HDAC9: variants seen among roughly 807,000 people sequenced by gnomAD.
HDAC9 encodes the protein MEF-2 interacting transcription repressor (MITR) protein.
A neutral mutation model predicts 139.4 loss-of-function variants in HDAC9; 41 were observed. The observed-to-expected ratio is 0.29, with a 90% CI of 0.23 to 0.38. The LOEUF is 0.38. Ranked by LOEUF, HDAC9 falls within the 10% of genes least tolerant of loss-of-function variation. HDAC9 has a pLI of 1.00. For synonymous variants in HDAC9, 517 were observed against 476.2 expected, an observed-to-expected ratio of 1.09 and a Z score of -1.12; for missense variants, 1,147 against 1,297.0, an observed-to-expected ratio of 0.88 and a Z score of 1.78.
chr7:18,950,796 A>G (rs1458077831), intron 23 of HDAC9, among the ~76,000 whole-genome samples: 1 of 152,024 alleles, frequency 6.6e-6, no homozygotes, highest in Non-Finnish European at 1.5e-5. Flanking sequence ...AGAATGAAAA[A>G]AATAGAATTC....
In HDAC9 at chr7:18,793,416, C is replaced by T. The variant is rs1060499865; in HGVS notation, c.2286C>T (p.Ile762=). The change falls in exon 17 of 26, where the codon ATC becomes ATT. Residue 762 remains isoleucine (I), a synonymous_variant. Coordinates refer to ENST00000686413, the MANE Select transcript of HDAC9 (RefSeq NM_178425.4). The stretch of plus-strand genomic sequence containing the variant: ...CACGCATGGCTGTTGGCTGTGTCAT[C>T]GAGCTGGCTTCCAAAGTGGCCTCAG... The part of the protein sequence containing the change: ...GAARMAVGCV[I]ELASKVASGE... 2.5e-6 allele frequency: 4 copies of T among 1,584,590 alleles called. No individual in the cohort carries two copies. Among genetic ancestry groups the T allele is most frequent in the Middle Eastern group, 1.7e-4 (1 of 6,032 alleles).
chr7:18,725,091 A>G (rs190512071), intron 12 of HDAC9, among the ~76,000 whole-genome samples: 95 of 152,302 alleles, frequency 6.2e-4, no homozygotes, highest in Middle Eastern at 3.4e-3. Context: ...TTCATGGTCA[A>G]CATATCCATG....
At chr7:18,652,021 A>G (rs1789437398) in intron 11 of HDAC9, among the ~76,000 whole-genome samples, 1 of 152,182 alleles carries the variant, frequency 6.6e-6, no homozygotes, top group African/African-American at 2.4e-5. Context: ...GTTTAATCAT[A>G]AAGAAATCAA....
chr7:18,476,324 A>G (rs1795109092), intron 1 of HDAC9, among the ~76,000 whole-genome samples: 1 of 152,202 alleles, frequency 6.6e-6, no homozygotes, highest in South Asian at 2.1e-4. Context: ...TACTCACAAT[A>G]AAAAGTATTT....
intron 2 of HDAC9, among the ~76,000 whole-genome samples, chr7:18,555,076 A>T (rs764535468): frequency 7.9e-5 from 12 of 152,200 alleles, no homozygotes; most frequent in Non-Finnish European, 1.6e-4. Context: ...TAGTTTCATT[A>T]TTTTTTGACA....
At chr7:18,443,845 TG>T (rs1408312626) in intron 1 of HDAC9, among the ~76,000 whole-genome samples, 1 of 151,800 alleles carries the variant, frequency 6.6e-6, no homozygotes, top group Non-Finnish European at 1.5e-5. Context: ...TATAAACATT[TG>T]TATATACATT....
intron 1 of HDAC9, among the ~76,000 whole-genome samples, chr7:18,428,781 AG>A (rs1170501228): frequency 6.6e-6 from 1 of 152,122 alleles, no homozygotes; most frequent in Non-Finnish European, 1.5e-5. Context: ...AATGCTTTCC[AG>A]GGCCCACCAG....
intron 24 of HDAC9, among the ~76,000 whole-genome samples, chr7:18,957,733 G>A (rs537259959): frequency 2.0e-5 from 3 of 152,274 alleles, no homozygotes; most frequent in Admixed American, 2.0e-4. Context: ...CCTGAAGGTA[G>A]TCCTTGTTCA....
At chr7:18,521,715 G>C (rs1049621305) in intron 2 of HDAC9, among the ~76,000 whole-genome samples, 36 of 151,990 alleles carry the variant, frequency 2.4e-4, no homozygotes, top group African/African-American at 7.5e-4. Flanking sequence ...CAACAGTCTA[G>C]GATTTCCAGT....
chr7:18,665,625 C>A (rs1362121719), intron 11 of HDAC9, among the ~76,000 whole-genome samples: 1 of 151,832 alleles, frequency 6.6e-6, no homozygotes, highest in African/African-American at 2.4e-5. Context: ...TTTTTTAAAT[C>A]ATACACCTCT....
At chr7:18,872,131 C>T (rs1798967731) in intron 21 of HDAC9, among the ~76,000 whole-genome samples, 1 of 152,044 alleles carries the variant, frequency 6.6e-6, no homozygotes, top group Admixed American at 6.6e-5. Flanking sequence ...AAACAGCTTC[C>T]ACCCAGACAT....
chr7:18,914,961 G>T lies in HDAC9; in HGVS notation c.2804-20848G>T, dbSNP rs145776382. ...AAGCAGAATGAGAAACATGATTTTG[G>T]GGACTAAGAAACTTGTAGCTTGTTT... On this transcript the variant is annotated intron_variant, in intron 22 of 25. Transcript: ENST00000686413. 3.9e-3 allele frequency among the ~76,000 whole-genome samples: 589 copies of T among 152,156 alleles called. 2 individuals are homozygous for T. Among genetic ancestry groups the T allele is most frequent in the African/African-American group, 0.013 (531 of 41,522 alleles).
chr7:18,962,456 T>C (rs1381389640), intron 24 of HDAC9, among the ~76,000 whole-genome samples: 1 of 152,108 alleles, frequency 6.6e-6, no homozygotes, highest in Non-Finnish European at 1.5e-5. Flanking sequence ...AATACTAGAA[T>C]GTATCAGAAT....
chr7:18,418,989 C>G (rs1293372755), intron 1 of HDAC9, among the ~76,000 whole-genome samples: 1 of 152,130 alleles, frequency 6.6e-6, no homozygotes, highest in African/African-American at 2.4e-5. Context: ...CTGCCCTGTA[C>G]AACTCATAGA....
intron 6 of HDAC9, among the ~76,000 whole-genome samples, chr7:18,610,960 C>G (rs769923493): frequency 2.6e-5 from 4 of 152,130 alleles, no homozygotes; most frequent in Admixed American, 1.3e-4. Flanking sequence ...ATATTCTTTC[C>G]TATTACATTC....
At chr7:18,543,919 G>T (rs1383979277) in intron 2 of HDAC9, among the ~76,000 whole-genome samples, 5 of 151,396 alleles carry the variant, frequency 3.3e-5, no homozygotes, top group African/African-American at 1.2e-4. Flanking sequence ...TGGCTTACAA[G>T]GTTGAGACTA....
intron 1 of HDAC9, among the ~76,000 whole-genome samples, chr7:18,301,406 A>G (rs1408057067): frequency 1.3e-5 from 2 of 152,166 alleles, no homozygotes; most frequent in Admixed American, 6.5e-5. Context: ...GAAAATAATT[A>G]GAGGAAAAAG....
At chr7:18,095,094 T>C (rs1004583191) in intron 1 of HDAC9, among the ~76,000 whole-genome samples, 1 of 152,142 alleles carries the variant, frequency 6.6e-6, no homozygotes, top group Non-Finnish European at 1.5e-5. Context: ...TAAGTGATCA[T>C]CTCGTAGCGA....
chr7:18,744,507 G>A (rs1284066082), intron 13 of HDAC9, among the ~76,000 whole-genome samples: 1 of 152,078 alleles, frequency 6.6e-6, no homozygotes, highest in Non-Finnish European at 1.5e-5. Flanking sequence ...GAAACCTCAG[G>A]TAGTTCCCAG....
Sources: gnomAD v4.1 joint callset for allele counts (sites outside exome capture counted in the v4.1 genomes callset) on GRCh38, gnomAD v4.1.1 for gene constraint, MANE v1.5 for transcripts, NCBI Gene and HGNC (gene_info 2026-07-23, HGNC 2026-07-21) for gene names.